OTOG: variants seen among roughly 807,000 people sequenced by gnomAD.
OTOG encodes otogelin.
Under a neutral mutation model 313.8 loss-of-function variants are expected in OTOG, and 296 were observed. That is an observed-to-expected ratio of 0.94 (90% confidence interval 0.86 to 1.04). OTOG has a LOEUF of 1.04. Among genes scored for constraint, OTOG ranks in the 50% least tolerant of loss-of-function variants. The pLI is 0.00. For missense variants in OTOG, 3,948 were observed against 3,840.1 expected, an observed-to-expected ratio of 1.03 and a Z score of -0.74; for synonymous variants, 1,533 against 1,554.9, an observed-to-expected ratio of 0.99 and a Z score of 0.33.
At chr11:17,574,634 A>G in intron 19 of OTOG, 86 bp from the exon 20 acceptor site, 1 of 1,314,614 alleles carries the variant, frequency 7.6e-7, no homozygotes, top group South Asian at 1.5e-5. Context: ...CTGGATCTCC[A>G]TTCTCCTCAT....
intron 12 of OTOG, among the ~76,000 whole-genome samples, chr11:17,559,889 AGAGG>A (rs1393374996): frequency 8.7e-5 from 10 of 115,382 alleles, no homozygotes; most frequent in East Asian, 2.6e-4. Flanking sequence ...AGGAAGGGAG[AGAGG>A]GAGGGAGGGA....
At chr11:17,587,611 T>C (rs573957629) in intron 24 of OTOG, among the ~76,000 whole-genome samples, 4 of 152,226 alleles carry the variant, frequency 2.6e-5, no homozygotes, top group Admixed American at 2.6e-4. Context: ...AGGAAGGCCA[T>C]AGTGTTTCTT....
chr11:17,604,924 G>A (rs1472601248), intron 32 of OTOG, among the ~76,000 whole-genome samples: 2 of 152,192 alleles, frequency 1.3e-5, no homozygotes, highest in Non-Finnish European at 2.9e-5. Flanking sequence ...CCATCTTCTC[G>A]CAGCTTCCCA....
At chr11:17,628,920 A>G (rs1346442126) in intron 39 of OTOG, among the ~76,000 whole-genome samples, 2 of 152,224 alleles carry the variant, frequency 1.3e-5, no homozygotes, top group African/African-American at 4.8e-5. Flanking sequence ...TTTTTCCAAT[A>G]AAGATATTTT....
At chr11:17,566,461 T>A (rs1240870182) in intron 15 of OTOG, among the ~76,000 whole-genome samples, 1 of 152,222 alleles carries the variant, frequency 6.6e-6, no homozygotes, top group Non-Finnish European at 1.5e-5. Context: ...CATATCCATG[T>A]TTATCTTAGT....
intron 22 of OTOG, 29 bp from the exon 23 acceptor site, chr11:17,578,344 G>C: frequency 6.9e-7 from 1 of 1,458,128 alleles, no homozygotes; most frequent in African/African-American, 1.4e-5. Context: ...AGGCCCCAGG[G>C]CCTCCGCTCC....
rs931994490 is a variant in OTOG, at chr11:17,561,795, C to T, written c.1632C>T (p.Ala544=). The T allele has an allele frequency of 1.9e-6, 3 of 1,550,232 alleles. No individual in the cohort carries two copies. Among genetic ancestry groups the T allele is most frequent in the Non-Finnish European group, 2.6e-6 (3 of 1,146,966 alleles). The change falls in exon 15 of 56, where the codon GCC becomes GCT. Residue 544 remains alanine (A), a synonymous_variant. Coordinates refer to ENST00000399397, the MANE Select transcript of OTOG (RefSeq NM_001292063.2). ...SGTFTVTLQN[A]PCGLNQDGAC... ...CCTTCACCGTGACATTGCAGAATGCCCCATGTGGCCTGGTAAGAGCTGGGG... is the reference window on the plus strand; with the variant it reads ...CCTTCACCGTGACATTGCAGAATGCTCCATGTGGCCTGGTAAGAGCTGGGG...
chr11:17,644,011 G>A (rs573001425), intron 54 of OTOG, among the ~76,000 whole-genome samples: 2 of 152,362 alleles, frequency 1.3e-5, no homozygotes, highest in South Asian at 2.1e-4. Flanking sequence ...CTGGAGGCAG[G>A]CAGCCGCATT....
intron 31 of OTOG, 48 bp downstream of exon 31, chr11:17,599,745 A>G (rs1853200276): frequency 1.9e-6 from 3 of 1,540,202 alleles, no homozygotes; most frequent in Admixed American, 3.9e-5. Context: ...AGGCACTGCC[A>G]GCCCTGTCCT....
Position 17,558,248 on chromosome 11 carries a change from C to A in OTOG, c.929C>A (p.Pro310His). Residue 310 changes from proline (P) to histidine (H), a missense_variant, in exon 9 of 56, where the codon CCT (proline) becomes CAT (histidine). Coordinates refer to ENST00000399397, the MANE Select transcript of OTOG (RefSeq NM_001292063.2). ...HSWQEQAPNQ[P>H]PGPTTSSLPR... ...TGGCAGGAGCAGGCCCCTAACCAGC[C>A]TCCAGGGCCCACAACTTCCTCCCTG... is the stretch of plus-strand genomic sequence containing the variant. 3.9e-6 allele frequency: 6 copies of A among 1,550,634 alleles called. No individual in the cohort carries two copies. The highest frequency in any genetic ancestry group is 5.2e-6 in the Non-Finnish European group (6 of 1,147,004).
chr11:17,555,619 T>C, intron 6 of OTOG, 160 bp from the exon 7 acceptor site: 2 of 579,682 alleles, frequency 3.5e-6, no homozygotes, highest in Non-Finnish European at 6.1e-6. Flanking sequence ...ATCCATTGCC[T>C]CCCCTCTGTG....
At chr11:17,560,042 A>T (rs753378911) in intron 12 of OTOG, among the ~76,000 whole-genome samples, 1 of 152,258 alleles carries the variant, frequency 6.6e-6, no homozygotes, top group African/African-American at 2.4e-5. Flanking sequence ...ATTTGATTTC[A>T]TAGGGATATT....
intron 33 of OTOG, among the ~76,000 whole-genome samples, chr11:17,607,322 G>A (rs183813458): frequency 2.0e-5 from 3 of 152,340 alleles, no homozygotes; most frequent in East Asian, 3.9e-4. Flanking sequence ...ACACCTCCCT[G>A]TTCAGGCTGT....
rs78307824 is a variant in OTOG at position 17,643,033 on chromosome 11, C to T, written c.8416-428C>T. 3.7e-3 allele frequency among the ~76,000 whole-genome samples: 570 copies of T among 152,314 alleles called. 5 individuals are homozygous for T. The highest frequency in any genetic ancestry group is 0.013 in the African/African-American group (550 of 41,564). ...AGGAGGGTTTTAACGGATACTTGCCCCCATTTTAGAGATGGGAAAATTAAG... is the reference window on the plus strand; with the variant it reads ...AGGAGGGTTTTAACGGATACTTGCCTCCATTTTAGAGATGGGAAAATTAAG... On this transcript the variant is annotated intron_variant, in intron 53 of 55. Coordinates refer to ENST00000399397, the MANE Select transcript of OTOG (RefSeq NM_001292063.2).
chr11:17,593,585 G>A, intron 26 of OTOG, 25 bp from the exon 27 acceptor site: 2 of 1,548,074 alleles, frequency 1.3e-6, no homozygotes, highest in East Asian at 2.4e-5. Context: ...CTTGGGCTCA[G>A]GACTGACCAT....
At chr11:17,552,620 C>CCTGT in intron 4 of OTOG, among the ~76,000 whole-genome samples, 4 of 152,094 alleles carry the variant, frequency 2.6e-5, no homozygotes, top group African/African-American at 9.7e-5. Context: ...TGTCCTCTCA[C>CCTGT]ATCATGGCTC....
At chr11:17,645,436 A>C in intron 54 of OTOG, 128 bp from the exon 55 acceptor site, 1 of 820,382 alleles carries the variant, frequency 1.2e-6, no homozygotes. Flanking sequence ...GAGGGGCACT[A>C]ATGCATGGGT....
At position 17,610,345 on chromosome 11, in the gene OTOG, C is replaced by A. The variant is rs1163143890; in HGVS notation, c.5045C>A (p.Pro1682His). 3.9e-6 allele frequency: 6 copies of A among 1,550,710 alleles called. No individual in the cohort carries two copies. Among genetic ancestry groups the A allele is most frequent in the South Asian group, 1.2e-5 (1 of 84,056 alleles). The change falls in exon 36 of 56, where the codon CCC (proline) becomes CAC (histidine). Residue 1682 changes from proline (P) to histidine (H), a missense_variant. By Grantham distance (77) the Pro-to-His change is moderately conservative. Transcript: ENST00000399397. Reference sequence around the variant, plus strand: ...AAGGTCATAAGCAGGACAGGGGTCCCCCAGCCCACCCAGGCCCAGAGTGCT... The same window carrying A: ...AAGGTCATAAGCAGGACAGGGGTCCACCAGCCCACCCAGGCCCAGAGTGCT... ...VTKVISRTGV[P>H]QPTQAQSASS... is the part of the protein sequence containing the mutation.
chr11:17,602,066 T>C, intron 31 of OTOG, 144 bp from the exon 32 acceptor site: 2 of 926,254 alleles, frequency 2.2e-6, no homozygotes, highest in Non-Finnish European at 3.2e-6. Flanking sequence ...TCAAGGTCCC[T>C]GAGATCTGGG....
Sources: allele counts gnomAD v4.1 joint callset (sites outside exome capture counted in the v4.1 genomes callset), GRCh38; gene constraint gnomAD v4.1.1; transcripts MANE v1.5; gene names NCBI Gene and HGNC (gene_info 2026-07-23, HGNC 2026-07-21).